DGKH: variants seen among roughly 807,000 people sequenced by gnomAD.
DGKH encodes the protein diacylglycerol kinase eta, also known as DAG kinase eta.
DGKH carries 90 observed loss-of-function variants against 159.3 expected under a neutral mutation model. That is an observed-to-expected ratio of 0.57 (90% CI 0.48 to 0.67). The LOEUF is 0.67. Among genes scored for constraint, DGKH ranks in the 30% least tolerant of loss-of-function variants. The pLI, the probability that DGKH is intolerant of heterozygous loss-of-function variation, is 0.00. For missense variants in DGKH, 1,181 were observed against 1,506.1 expected, an observed-to-expected ratio of 0.78 and a Z score of 3.57; for synonymous variants, 536 against 553.8, an observed-to-expected ratio of 0.97 and a Z score of 0.45.
chr13:42,083,544 G>A (rs998002983), intron 1 of DGKH, among the ~76,000 whole-genome samples: 13 of 152,190 alleles, frequency 8.5e-5, no homozygotes, highest in Non-Finnish European at 1.6e-4. Flanking sequence ...ATTTTATCTA[G>A]CGCCGCCGCT....
chr13:42,099,515 G>A (rs1379032991), intron 1 of DGKH, among the ~76,000 whole-genome samples: 3 of 152,134 alleles, frequency 2.0e-5, no homozygotes, highest in Admixed American at 6.5e-5. Flanking sequence ...GAGAGCAGGG[G>A]GTATTTGGGC....
intron 3 of DGKH, among the ~76,000 whole-genome samples, chr13:42,145,660 G>T (rs1955707407): frequency 6.6e-6 from 1 of 152,238 alleles, no homozygotes; most frequent in South Asian, 2.1e-4. Context: ...CATCAGCGAT[G>T]TCTTCCACTG....
chr13:42,174,237 T>C (rs1476992837), intron 12 of DGKH, 93 bp downstream of exon 12: 4 of 1,020,896 alleles, frequency 3.9e-6, no homozygotes, highest in Non-Finnish European at 5.9e-6. Flanking sequence ...CCTAATATAT[T>C]GTGGTAGCAT....
chr13:42,164,495 G>C (rs926895342), intron 7 of DGKH, among the ~76,000 whole-genome samples: 1 of 152,062 alleles, frequency 6.6e-6, no homozygotes, highest in Non-Finnish European at 1.5e-5. Context: ...GATAAATACA[G>C]GTTTAATTAT....
chr13:42,244,533 CAG>C (rs1252166971), downstream of DGKH, among the ~76,000 whole-genome samples: 2 of 152,346 alleles, frequency 1.3e-5, no homozygotes, highest in Admixed American at 6.5e-5. Flanking sequence ...CATCACTGAG[CAG>C]AGTGTCAGGA....
chr13:42,073,911 T>G (rs2166622), intron 1 of DGKH, among the ~76,000 whole-genome samples: 148,183 of 152,274 alleles, frequency 0.97, 72,228 homozygotes, highest in East Asian at 1. Context: ...CATTCTAGCA[T>G]GACTGAACTG....
chr13:42,212,771 TTAG>T (rs1957689155), intron 24 of DGKH, among the ~76,000 whole-genome samples: 1 of 152,056 alleles, frequency 6.6e-6, no homozygotes, highest in African/African-American at 2.4e-5. Context: ...GGCTCACAGA[TTAG>T]TAGGAGGGAG....
chr13:42,148,851 G>A (rs1368077435), intron 3 of DGKH, among the ~76,000 whole-genome samples: 2 of 151,696 alleles, frequency 1.3e-5, no homozygotes, highest in African/African-American at 4.8e-5. Context: ...CAGTATCCAT[G>A]CCTTCTCCTT....
chr13:42,247,768 T>C (rs886394725), downstream of DGKH, among the ~76,000 whole-genome samples: 7 of 151,962 alleles, frequency 4.6e-5, no homozygotes, highest in Non-Finnish European at 1.0e-4. Flanking sequence ...GTGGTTTAGG[T>C]TTTTTTTAAA....
At chr13:42,164,841 G>A (rs953081175) in intron 7 of DGKH, among the ~76,000 whole-genome samples, 5 of 152,134 alleles carry the variant, frequency 3.3e-5, no homozygotes, top group Non-Finnish European at 7.4e-5. Context: ...AATGTGAATA[G>A]AAAGTTATGG....
intron 30 of DGKH, chr13:42,256,074 T>G: frequency 7.9e-7 from 1 of 1,268,290 alleles, no homozygotes; most frequent in Non-Finnish European, 1.2e-6. Flanking sequence ...GAACTGATCT[T>G]GCCTGAAAAT....
chr13:42,244,244 T>C (rs1470346679), downstream of DGKH, among the ~76,000 whole-genome samples: 1 of 152,122 alleles, frequency 6.6e-6, no homozygotes, highest in East Asian at 1.9e-4. Flanking sequence ...TTGGAGAAGA[T>C]GAAGTTATCC....
chr13:42,160,268 C>A, intron 7 of DGKH, 132 bp downstream of exon 7: 2 of 1,243,478 alleles, frequency 1.6e-6, no homozygotes, highest in Non-Finnish European at 2.3e-6. Context: ...CTCATGATGA[C>A]ATTCTTCTTT....
chr13:42,223,537 G>A (rs992196516), intron 29 of DGKH, among the ~76,000 whole-genome samples: 14 of 152,128 alleles, frequency 9.2e-5, no homozygotes, highest in South Asian at 8.3e-4. Flanking sequence ...CGAGGCGGGC[G>A]GATCACGAGG....
At chr13:42,110,095 A>T (rs1954833448) in intron 1 of DGKH, among the ~76,000 whole-genome samples, 1 of 152,226 alleles carries the variant, frequency 6.6e-6, no homozygotes, top group South Asian at 2.1e-4. Context: ...GAGGCAGATT[A>T]TTGAAGATGC....
rs369077223 is a variant in DGKH at position 42,199,703 on chromosome 13, A to G, written c.2396+27A>G. ...TAATTTTAGTAAAAGTAATAATGCT[A>G]TTACATAAAGGCAATTTTTTCTTCA... On this transcript the variant is annotated intron_variant, in intron 19 of 29. Coordinates refer to ENST00000337343, the MANE Select transcript of DGKH (RefSeq NM_178009.5). The G allele has an allele frequency of 1.4e-4, 227 of 1,569,926 alleles. 1 individual carries two copies. The highest frequency in any genetic ancestry group is 5.2e-4 in the Middle Eastern group (3 of 5,802).
chr13:42,060,204 C>T (rs948822673), intron 1 of DGKH, among the ~76,000 whole-genome samples: 2 of 152,214 alleles, frequency 1.3e-5, no homozygotes, highest in Non-Finnish European at 2.9e-5. Flanking sequence ...CTGGGCACAG[C>T]CAAGTTCTCT....
At chr13:42,227,836 A>G (rs9562387) in intron 29 of DGKH, among the ~76,000 whole-genome samples, 1,997 of 152,322 alleles carry the variant, frequency 0.013, 80 homozygotes, top group East Asian at 0.13. Flanking sequence ...CAATGACCGA[A>G]GACTTAAACC....
intron 20 of DGKH, among the ~76,000 whole-genome samples, chr13:42,200,967 C>T (rs1382948713): frequency 1.3e-5 from 2 of 151,354 alleles, no homozygotes; most frequent in East Asian, 1.9e-4. Context: ...TCATGTACCC[C>T]GGTTGGCCAC....
Sources: allele counts gnomAD v4.1 joint callset (sites outside exome capture counted in the v4.1 genomes callset), GRCh38; gene constraint gnomAD v4.1.1; transcripts MANE v1.5; gene names NCBI Gene and HGNC (gene_info 2026-07-23, HGNC 2026-07-21).